Variants in NLRP3 observed in about 807,000 individuals in gnomAD.
NLRP3 encodes NLR family pyrin domain containing 3.
In NLRP3, 48 loss-of-function variants were observed where a neutral mutation model predicts 91.3. The observed-to-expected ratio is 0.53, with a 90% CI of 0.42 to 0.67. NLRP3 has a LOEUF of 0.67. Ranked by LOEUF, NLRP3 falls within the 30% of genes least tolerant of loss-of-function variation. The probability of loss-of-function intolerance (pLI) is 0.00; values close to 1 mark genes in which losing one functional copy is unlikely to be tolerated. For missense variants in NLRP3, 982 were observed against 1,276.9 expected, an observed-to-expected ratio of 0.77 and a Z score of 3.52; for synonymous variants, 561 against 507.9, an observed-to-expected ratio of 1.10 and a Z score of -1.41.
Position 247,418,867 on chromosome 1 carries a change from T to A in NLRP3, c.67T>A (p.Phe23Ile), listed in dbSNP as rs1390072107. 6.2e-7 allele frequency: 1 copy of A among 1,613,788 alleles called. No homozygotes were observed. Among genetic ancestry groups the A allele is most frequent in the Non-Finnish European group, 8.5e-7 (1 of 1,180,012 alleles). The change falls in exon 2 of 10, where the codon TTT becomes ATT. Residue 23 changes from phenylalanine (F) to isoleucine (I), a missense_variant. By Grantham distance (21) the Phe-to-Ile change is conservative (BLOSUM62 0). This residue lies in a region of NLRP3 where 548 missense variants were observed against 713.7 expected (regional missense o/e 0.77). Transcript: ENST00000336119. ...CCTGGAGGATGTGGACTTGAAGAAA[T>A]TTAAGATGCACTTAGAGGACTATCC... ...EDLEDVDLKK[F>I]KMHLEDYPPQ...
chr1:247,425,078 C>A lies in NLRP3; in HGVS notation c.1629C>A (p.Asn543Lys), dbSNP rs376057645. 2.5e-6 allele frequency: 4 copies of A among 1,614,132 alleles called. No individual in the cohort carries two copies. Among genetic ancestry groups the A allele is most frequent in the Non-Finnish European group, 3.4e-6 (4 of 1,180,026 alleles). ...LLEEEKEGRT[N>K]VPGSRLKLPS... ...AAGAGGAAAAGGAAGGAAGGACGAA[C>A]GTTCCAGGGAGTCGTTTGAAGCTTC... The change falls in exon 4 of 10, where the codon AAC (asparagine) becomes AAA (lysine). Residue 543 changes from asparagine to lysine, a missense_variant. This residue lies in a region of NLRP3 where 548 missense variants were observed against 713.7 expected (regional missense o/e 0.77). Transcript: ENST00000336119. The surrounding 1 kb of genome is among the most constrained non-coding windows in gnomAD (Gnocchi z 4.1).
intron 2 of NLRP3, among the ~76,000 whole-genome samples, chr1:247,421,425 A>G (rs1335617504): frequency 6.6e-6 from 1 of 152,178 alleles, no homozygotes. Flanking sequence ...GCTCAAAACC[A>G]GCCTGAGCAA....
chr1:247,429,143 T>TCGG (rs2103130351), intron 4 of NLRP3, among the ~76,000 whole-genome samples: 1 of 152,292 alleles, frequency 6.6e-6, no homozygotes, highest in Admixed American at 6.5e-5. Context: ...TCTGCCCGCC[T>TCGG]CGGCCTCCCA....
In NLRP3 at chr1:247,436,057, G is replaced by T. The variant is rs1294489789; in HGVS notation, c.2580G>T (p.Val860=). ...GCCATTCCCTGACCAGACTCTATGT[G>T]GGGGAGAATGCCTTGGGAGACTCAG... ...STSHSLTRLY[V]GENALGDSGV... Residue 860 remains valine, a synonymous_variant, in exon 7 of 10, where the codon GTG becomes GTT. Coordinates refer to ENST00000336119, the MANE Select transcript of NLRP3 (RefSeq NM_001243133.2). 2 of 1,614,146 alleles carry T rather than the reference G, an allele frequency of 1.2e-6. No individual in the cohort carries two copies. The highest frequency in any genetic ancestry group is 1.7e-5 in the Admixed American group (1 of 60,024).
chr1:247,448,681 C>T lies in NLRP3; in HGVS notation c.*177C>T, dbSNP rs200546439. 1 of 634,356 alleles carries T rather than the reference C, an allele frequency of 1.6e-6. No individual in the cohort carries two copies. The highest frequency in any genetic ancestry group is 2.8e-6 in the Non-Finnish European group (1 of 357,546). The allele number at this position is 634,356 out of a possible 1,614,324, so 39.3% of individuals were successfully genotyped here. A position where few individuals can be genotyped will look rare whatever the true frequency, so the allele number is the denominator to read the frequency against. On this transcript the variant is annotated 3_prime_UTR_variant, in exon 10 of 10. Transcript: ENST00000336119. ...TTCCTGTGCAGAGCTTGGGCATCTCCTTTACGCCAGGGTGAGGAAGACACC... is the reference window on the plus strand; with the variant it reads ...TTCCTGTGCAGAGCTTGGGCATCTCTTTTACGCCAGGGTGAGGAAGACACC...
At position 247,425,689 on chromosome 1, in the gene NLRP3, T is replaced by C; in HGVS notation, c.2150+90T>C. The C allele has an allele frequency of 8.4e-7, 1 of 1,195,596 alleles. No individual in the cohort carries two copies. The highest frequency in any genetic ancestry group is 2.4e-5 in the East Asian group (1 of 41,938). The allele number at this position is 1,195,596 out of a possible 1,614,324, so 74.1% of individuals were successfully genotyped here. A position where few individuals can be genotyped will look rare whatever the true frequency, so the allele number is the denominator to read the frequency against. Reference sequence around the variant, plus strand: ...CTCCTCTCATCTCTTTTCAACTATCTTCCAAATACTGTTGCCACAGCTACA... The same window carrying C: ...CTCCTCTCATCTCTTTTCAACTATCCTCCAAATACTGTTGCCACAGCTACA... On this transcript the variant is annotated intron_variant, in intron 4 of 9. Transcript: ENST00000336119. This position sits in a 1 kb window ranked among gnomAD's most constrained non-coding sequence, Gnocchi z 4.1.
At chr1:247,430,412 G>C (rs72771995) in intron 5 of NLRP3, among the ~76,000 whole-genome samples, 5,271 of 143,762 alleles carry the variant, frequency 0.037, 133 homozygotes, top group Non-Finnish European at 0.055. Flanking sequence ...CAGCAGTCCT[G>C]ATGGATTAGG....
chr1:247,429,487 A>T, intron 4 of NLRP3, 98 bp from the exon 5 acceptor site: 1 of 1,362,026 alleles, frequency 7.3e-7, no homozygotes, highest in Non-Finnish European at 1.0e-6. Flanking sequence ...CCCGGAAGGC[A>T]TTTCTCTGAA....
intron 7 of NLRP3, 24 bp from the exon 8 acceptor site, chr1:247,443,948 A>T: frequency 6.2e-7 from 1 of 1,612,516 alleles, no homozygotes; most frequent in Non-Finnish European, 8.5e-7. Context: ...GGTACTGAGG[A>T]CTCTTCTCCC....
Position 247,420,538 on chromosome 1 carries a change from A to T in NLRP3, c.277+1461A>T, listed in dbSNP as rs183655633. 6.6e-3 allele frequency among the ~76,000 whole-genome samples: 1,008 copies of T among 151,682 alleles called. 12 individuals are homozygous for T. The highest frequency in any genetic ancestry group is 0.022 in the African/African-American group (906 of 41,324). ...ACACCAGCCTGGCCAACATGGCAAA[A>T]CCCCATCTCTACTAAAAATACAAAA... On this transcript the variant is annotated intron_variant, in intron 2 of 9. Coordinates refer to ENST00000336119, the MANE Select transcript of NLRP3 (RefSeq NM_001243133.2).
rs780318484 is a variant in NLRP3, at chr1:247,423,330, T to G, written c.378T>G (p.Ser126=). 1.2e-6 allele frequency: 2 copies of G among 1,613,970 alleles called. No homozygotes were observed. Among genetic ancestry groups the G allele is most frequent in the African/African-American group, 2.7e-5 (2 of 74,932 alleles). ...TACTGGAGTACCTTTCGAGAATCTCTATTTGTAAAATGAAGAAAGGTAAGC... is the reference window on the plus strand; with the variant it reads ...TACTGGAGTACCTTTCGAGAATCTCGATTTGTAAAATGAAGAAAGGTAAGC... The part of the protein sequence containing the change: ...MGLLEYLSRI[S]ICKMKKDYRK... Residue 126 remains serine (S), a synonymous_variant, in exon 3 of 10, where the codon TCT becomes TCG. Coordinates refer to ENST00000336119, the MANE Select transcript of NLRP3 (RefSeq NM_001243133.2).
chr1:247,443,486 C>T (rs1404955172), intron 7 of NLRP3, among the ~76,000 whole-genome samples: 1 of 151,314 alleles, frequency 6.6e-6, no homozygotes, highest in African/African-American at 2.4e-5. Flanking sequence ...TCACAATGGA[C>T]GTTCACCTGT....
chr1:247,429,798 T>TGAGA (rs375270676), intron 5 of NLRP3, 43 bp downstream of exon 5: 20 of 1,595,284 alleles, frequency 1.3e-5, no homozygotes, highest in Admixed American at 3.3e-5. Flanking sequence ...CAAGTTCATA[T>TGAGA]GAGAGAGAGA....
Position 247,418,825 on chromosome 1 carries a change from G to A in NLRP3, c.25G>A (p.Ala9Thr), listed in dbSNP as rs1368219988. 1.1e-5 allele frequency: 17 copies of A among 1,613,936 alleles called. No individual in the cohort carries two copies. The highest frequency in any genetic ancestry group is 2.2e-5 in the East Asian group (1 of 44,888). MASTRCKL[A>T]RYLEDLEDVD... Reference sequence around the variant, plus strand: ...GATGGCAAGCACCCGCTGCAAGCTGGCCAGGTACCTGGAGGACCTGGAGGA... The same window carrying A: ...GATGGCAAGCACCCGCTGCAAGCTGACCAGGTACCTGGAGGACCTGGAGGA... Residue 9 changes from alanine (A) to threonine (T), a missense_variant, in exon 2 of 10, where the codon GCC (alanine) becomes ACC (threonine). Transcript: ENST00000336119.
intron 4 of NLRP3, among the ~76,000 whole-genome samples, chr1:247,428,130 C>T (rs1360093191): frequency 6.7e-6 from 1 of 149,576 alleles, no homozygotes; most frequent in African/African-American, 2.6e-5. Flanking sequence ...CTGACTGGAA[C>T]CCTGGTAGGG....
Position 247,425,394 on chromosome 1 carries a change from C to T in NLRP3, c.1945C>T (p.Pro649Ser). Residue 649 changes from proline (P) to serine (S), a missense_variant, in exon 4 of 10, where the codon CCC becomes TCC. This residue lies in a region of NLRP3 where 373 missense variants were observed against 431.5 expected (regional missense o/e 0.86). Coordinates refer to ENST00000336119, the MANE Select transcript of NLRP3 (RefSeq NM_001243133.2). The surrounding 1 kb of genome is among the most constrained non-coding windows in gnomAD (Gnocchi z 4.1). The stretch of plus-strand genomic sequence containing the variant: ...CGTGCAAAGGGCCATGGACTATTTC[C>T]CCAAGATTGAGATCAATCTCTCCAC... ...DFVQRAMDYF[P>S]KIEINLSTRM... 1 of 1,614,184 alleles carries T rather than the reference C, an allele frequency of 6.2e-7. No individual in the cohort carries two copies. The highest frequency in any genetic ancestry group is 8.5e-7 in the Non-Finnish European group (1 of 1,180,038).
At chr1:247,442,873 C>T (rs1664323862) in intron 7 of NLRP3, among the ~76,000 whole-genome samples, 1 of 152,172 alleles carries the variant, frequency 6.6e-6, no homozygotes, top group Non-Finnish European at 1.5e-5. Flanking sequence ...GAGTTTAAGA[C>T]TGCAGTGAGC....
rs1558210392 is a variant in NLRP3, at chr1:247,444,746, A to G, written c.2930A>G (p.Asn977Ser). The change falls in exon 9 of 10, where the codon AAT becomes AGT. Residue 977 changes from asparagine (N) to serine (S), a missense_variant. Physicochemically the swap from Asn to Ser is conservative, Grantham distance 46 (BLOSUM62 1). Coordinates refer to ENST00000336119, the MANE Select transcript of NLRP3 (RefSeq NM_001243133.2). ...CTGCGAAAGCTGAGCCTGGGCAACA[A>G]TGACCTGGGCGACCTGGGGGTCATG... The part of the protein sequence containing the change: ...QSLRKLSLGN[N>S]DLGDLGVMMF... 5.0e-6 allele frequency: 8 copies of G among 1,614,140 alleles called. No homozygotes were observed. The highest frequency in any genetic ancestry group is 2.2e-5 in the South Asian group (2 of 91,084).
chr1:247,420,795 G>A (rs764425815), intron 2 of NLRP3, among the ~76,000 whole-genome samples: 1 of 152,098 alleles, frequency 6.6e-6, no homozygotes, highest in African/African-American at 2.4e-5. Context: ...AGAAGGTGGA[G>A]GCAAACTGTT....
Sources: gnomAD v4.1 joint callset for allele counts (sites outside exome capture counted in the v4.1 genomes callset) on GRCh38, gnomAD v4.1.1 for gene constraint, gnomAD v4.1.1 regional missense constraint, Gnocchi (gnomAD v3.1) non-coding constraint, MANE v1.5 for transcripts, NCBI Gene and HGNC (gene_info 2026-07-23, HGNC 2026-07-21) for gene names.